MSL2: variants seen among roughly 807,000 people sequenced by gnomAD.
MSL2 encodes the protein E3 ubiquitin-protein ligase MSL2.
Under a neutral mutation model 35.8 loss-of-function variants are expected in MSL2, and 2 were observed. That is an observed-to-expected ratio of 0.06 (90% CI 0.02 to 0.18). The LOEUF is 0.18. Among genes scored for constraint, MSL2 ranks in the 10% least tolerant of loss-of-function variants. The pLI, the probability that MSL2 is intolerant of heterozygous loss-of-function variation, is 1.00. For synonymous variants in MSL2, 296 were observed against 255.7 expected, an observed-to-expected ratio of 1.16 and a Z score of -1.50; for missense variants, 523 against 706.7, an observed-to-expected ratio of 0.74 and a Z score of 2.95.
intron 1 of MSL2, among the ~76,000 whole-genome samples, chr3:136,159,052 C>A (rs1327847863): frequency 6.6e-6 from 1 of 152,164 alleles, no homozygotes; most frequent in Non-Finnish European, 1.5e-5. Flanking sequence ...TCAATGCAAT[C>A]TTTAATCCCA....
chr3:136,152,898 T>C, intron 1 of MSL2, 160 bp from the exon 2 acceptor site: 2 of 985,440 alleles, frequency 2.0e-6, no homozygotes, highest in Non-Finnish European at 2.4e-6. Context: ...GGAAGAATCT[T>C]CAATTAGCTC....
intron 1 of MSL2, among the ~76,000 whole-genome samples, chr3:136,160,478 G>C (rs538765522): frequency 6.7e-6 from 1 of 149,674 alleles, no homozygotes; most frequent in African/African-American, 2.4e-5. Flanking sequence ...CCAGCACTTC[G>C]GAAGGCCGAG....
At chr3:136,152,986 C>G in intron 1 of MSL2, 1 of 985,406 alleles carries the variant, frequency 1.0e-6, no homozygotes, top group African/African-American at 1.7e-5. Context: ...TCTCCCCAAG[C>G]AATACGTTCT....
intron 1 of MSL2, among the ~76,000 whole-genome samples, chr3:136,154,345 T>A (rs1276339631): frequency 1.3e-5 from 2 of 151,958 alleles, no homozygotes; most frequent in African/African-American, 4.8e-5. Flanking sequence ...AATGAAGTAG[T>A]CCCCCGACTT....
chr3:136,160,333 A>AG (rs1939668185), intron 1 of MSL2, among the ~76,000 whole-genome samples: 2 of 20,080 alleles, frequency 1.0e-4, no homozygotes, highest in Non-Finnish European at 2.1e-4. Context: ...GAAGGAGGGA[A>AG]GGAAGGAGGG....
At chr3:136,157,621 A>G (rs113288628) in intron 1 of MSL2, among the ~76,000 whole-genome samples, 5 of 152,236 alleles carry the variant, frequency 3.3e-5, no homozygotes, top group African/African-American at 9.6e-5. Flanking sequence ...AAGATCAAAG[A>G]AAACAAGAAT....
chr3:136,160,264 A>G (rs1939663594), intron 1 of MSL2, among the ~76,000 whole-genome samples: 1 of 136,116 alleles, frequency 7.3e-6, no homozygotes, highest in South Asian at 2.5e-4. Flanking sequence ...CGACAGAGAA[A>G]GACTCTGTCT....
At chr3:136,178,609 T>C (rs961947931) in intron 1 of MSL2, among the ~76,000 whole-genome samples, 3 of 150,444 alleles carry the variant, frequency 2.0e-5, no homozygotes, top group Non-Finnish European at 3.0e-5. Flanking sequence ...CTCAGCTCAC[T>C]GCAACCTTGC....
rs777427623 is a variant in MSL2, at chr3:136,152,255, A to C, written c.626T>G (p.Ile209Ser). The change falls in exon 2 of 2, where the codon ATT becomes AGT. Residue 209 changes from isoleucine to serine, a missense_variant. Around this residue, in one of 5 missense-constraint regions of MSL2, gnomAD observed 361 missense variants for 414.6 expected, o/e 0.87. Transcript: ENST00000309993. ...CGTATTTGAATGTTCAGGTGAAGGA[A>C]TATTTATACCAAATCTATCTATTGA... is the stretch of plus-strand genomic sequence containing the variant. ...GLSIDRFGIN[I>S]PSPEHSNTID... 1.1e-5 allele frequency: 17 copies of C among 1,614,160 alleles called. No individual in the cohort carries two copies. The East Asian group carries it at 3.6e-4, about 34-fold the overall frequency.
Position 136,195,213 on chromosome 3 carries a change from A to G in MSL2, c.-100T>C. ...GATGGCGAATTTGCAACAATTCGGA[A>G]GAAATCAGAGCCGAACCATTGGCCA... On this transcript the variant is annotated 5_prime_UTR_variant, in exon 1 of 2. Transcript: ENST00000309993. The G allele has an allele frequency of 6.5e-7, 1 of 1,533,586 alleles. No individual in the cohort carries two copies. The highest frequency in any genetic ancestry group is 1.3e-5 in the South Asian group (1 of 77,874). The allele number at this position is 1,533,586 out of a possible 1,614,324, so 95.0% of individuals were successfully genotyped here.
At chr3:136,169,813 T>A (rs1056021995) in intron 1 of MSL2, among the ~76,000 whole-genome samples, 1 of 151,594 alleles carries the variant, frequency 6.6e-6, no homozygotes, top group African/African-American at 2.4e-5. Flanking sequence ...CTCCAGCACT[T>A]TGGGAGGCCA....
intron 1 of MSL2, among the ~76,000 whole-genome samples, chr3:136,178,923 T>C (rs1481898611): frequency 6.6e-6 from 1 of 151,656 alleles, no homozygotes; most frequent in African/African-American, 2.4e-5. Flanking sequence ...ATCACTTACA[T>C]GGCCTACTCC....
chr3:136,170,826 A>C (rs557796616), intron 1 of MSL2, among the ~76,000 whole-genome samples: 4 of 152,174 alleles, frequency 2.6e-5, no homozygotes, highest in Admixed American at 6.5e-5. Context: ...AAATAACTCC[A>C]ATCAGGCCAA....
rs749369636 is a variant in MSL2 at position 136,151,119 on chromosome 3, CAGG to C, written c.*25_*27del. 31 of 1,594,382 alleles carry C rather than the reference CAGG, an allele frequency of 1.9e-5. No individual in the cohort carries two copies. Among genetic ancestry groups the C allele is most frequent in the Non-Finnish European group, 2.6e-5 (30 of 1,165,590 alleles). The stretch of plus-strand genomic sequence containing the variant: ...CGTAAAACTGTAGCTATTTCCCTAC[CAGG>C]AGTAGGTTTAAAAGACCCACTGATT... On this transcript the variant is annotated 3_prime_UTR_variant, in exon 2 of 2. Coordinates refer to ENST00000309993, the MANE Select transcript of MSL2 (RefSeq NM_018133.4). The surrounding 1 kb of genome is among the most constrained non-coding windows in gnomAD (Gnocchi z 5.2).
intron 1 of MSL2, among the ~76,000 whole-genome samples, chr3:136,193,520 G>C (rs530816318): frequency 6.6e-6 from 1 of 151,846 alleles, no homozygotes; most frequent in Admixed American, 6.6e-5. Context: ...AAAGTATATG[G>C]AGAAGGAAGT....
At chr3:136,181,514 C>T (rs1287665722) in intron 1 of MSL2, among the ~76,000 whole-genome samples, 3 of 152,096 alleles carry the variant, frequency 2.0e-5, no homozygotes, top group Non-Finnish European at 2.9e-5. Flanking sequence ...TTCACTACCA[C>T]CGTGGAACAC....
At position 136,149,177 on chromosome 3, in the gene MSL2, GAA is replaced by G. The variant is rs2108053409; in HGVS notation, c.*1968_*1969del. 6.6e-6 allele frequency: 1 copy of G among 150,472 alleles called. No homozygotes were observed. Among genetic ancestry groups the G allele is most frequent in the Admixed American group, 6.6e-5 (1 of 15,096 alleles). 9.3% of individuals were successfully genotyped at this position (150,472 alleles called of 1,614,324 possible). On this transcript the variant is annotated 3_prime_UTR_variant, in exon 2 of 2. Transcript: ENST00000309993. Reference sequence around the variant, plus strand: ...CTTGGGAAGCAATAAAGTACTCTATGAATTTTAAGATCATAATATTAGGAAAG... The same window carrying G: ...CTTGGGAAGCAATAAAGTACTCTATGTTTTAAGATCATAATATTAGGAAAG...
chr3:136,172,303 T>A (rs1020326845), intron 1 of MSL2, among the ~76,000 whole-genome samples: 1 of 152,192 alleles, frequency 6.6e-6, no homozygotes, highest in East Asian at 1.9e-4. Context: ...AGTACCCTTT[T>A]CTTCTTCCCT....
At chr3:136,189,173 G>A (rs954090992) in intron 1 of MSL2, among the ~76,000 whole-genome samples, 2 of 131,420 alleles carry the variant, frequency 1.5e-5, no homozygotes, top group Non-Finnish European at 3.1e-5. Context: ...GGTACCGCAC[G>A]CCTACAGTCC....
Sources: allele counts gnomAD v4.1 joint callset (sites outside exome capture counted in the v4.1 genomes callset), GRCh38; gene constraint gnomAD v4.1.1; regional missense constraint gnomAD v4.1.1; non-coding constraint Gnocchi (gnomAD v3.1); transcripts MANE v1.5; gene names NCBI Gene and HGNC (gene_info 2026-07-23, HGNC 2026-07-21).